MACROD2: variants seen among roughly 807,000 people sequenced by gnomAD.
MACROD2 encodes the protein ADP-ribose glycohydrolase MACROD2.
Under a neutral mutation model 70.4 loss-of-function variants are expected in MACROD2, and 36 were observed. The observed-to-expected ratio is 0.51, with a 90% CI of 0.39 to 0.68. The LOEUF (loss-of-function observed/expected upper bound fraction) is 0.68. MACROD2 is among the 30% of genes least tolerant of loss of function. MACROD2 has a pLI of 0.00. For missense variants in MACROD2, 496 were observed against 538.4 expected (o/e 0.92, Z 0.78); for synonymous variants, 172 against 178.8 (o/e 0.96, Z 0.30).
intron 8 of MACROD2, among the ~76,000 whole-genome samples, chr20:15,672,437 A>G (rs567545026): frequency 5.3e-5 from 8 of 151,818 alleles, no homozygotes; most frequent in African/African-American, 1.7e-4. Flanking sequence ...GTTAAGTGGC[A>G]TGTAGTAGAC....
At chr20:15,337,356 G>C (rs967284453) in intron 6 of MACROD2, among the ~76,000 whole-genome samples, 1 of 151,698 alleles carries the variant, frequency 6.6e-6, no homozygotes, top group Non-Finnish European at 1.5e-5. Flanking sequence ...ATCTAGGAAA[G>C]ACTTCTTGAC....
At chr20:14,537,789 T>A (rs1663078622) in intron 4 of MACROD2, among the ~76,000 whole-genome samples, 1 of 152,218 alleles carries the variant, frequency 6.6e-6, no homozygotes, top group Non-Finnish European at 1.5e-5. Context: ...CAGTGGTTCA[T>A]CCTGCTCATT....
chr20:14,561,695 A>G (rs554449661), intron 4 of MACROD2, among the ~76,000 whole-genome samples: 2 of 152,034 alleles, frequency 1.3e-5, no homozygotes, highest in African/African-American at 4.8e-5. Flanking sequence ...AAGAAACACC[A>G]CAACAATTTA....
chr20:14,405,606 A>C lies in MACROD2; in HGVS notation c.272-87873A>C, dbSNP rs571568837. On this transcript the variant is annotated intron_variant, in intron 3 of 17. Transcript: ENST00000684519. ...CTAGAATGGAGTCGTATCTGCTTAGATTATTTTATGTAAGATTCTTGTCAG... is the reference window on the plus strand; with the variant it reads ...CTAGAATGGAGTCGTATCTGCTTAGCTTATTTTATGTAAGATTCTTGTCAG... Among the ~76,000 whole-genome samples, 39 of 152,286 alleles carry C rather than the reference A, an allele frequency of 2.6e-4. No homozygotes were observed. The South Asian group carries it at 3.1e-3, about 12-fold the overall frequency.
chr20:14,286,626 C>T (rs2082347226), intron 3 of MACROD2, among the ~76,000 whole-genome samples: 1 of 151,946 alleles, frequency 6.6e-6, no homozygotes, highest in South Asian at 2.1e-4. Flanking sequence ...TGTTTTTCTG[C>T]CTCACTCCAT....
intron 8 of MACROD2, among the ~76,000 whole-genome samples, chr20:15,562,119 A>G (rs1249758044): frequency 6.6e-6 from 1 of 152,076 alleles, no homozygotes; most frequent in Non-Finnish European, 1.5e-5. Context: ...AGAATTTAAC[A>G]TTTAAGTCTC....
chr20:15,411,256 G>C (rs910572785), intron 6 of MACROD2, among the ~76,000 whole-genome samples: 1 of 151,858 alleles, frequency 6.6e-6, no homozygotes, highest in Non-Finnish European at 1.5e-5. Context: ...TACCTTTCCT[G>C]TCAAAATAAT....
intron 4 of MACROD2, among the ~76,000 whole-genome samples, chr20:14,655,731 A>G (rs760441644): frequency 2.0e-5 from 3 of 152,144 alleles, no homozygotes; most frequent in Non-Finnish European, 4.4e-5. Flanking sequence ...TTGTTGATAG[A>G]TTAACATAAT....
chr20:14,122,475 A>C (rs2054600133), intron 3 of MACROD2, among the ~76,000 whole-genome samples: 1 of 152,166 alleles, frequency 6.6e-6, no homozygotes, highest in Admixed American at 6.6e-5. Flanking sequence ...CACCCAGCTT[A>C]CTTTCCTCAT....
intron 5 of MACROD2, among the ~76,000 whole-genome samples, chr20:14,744,325 AT>A (rs1419988207): frequency 1.3e-5 from 2 of 152,166 alleles, no homozygotes; most frequent in African/African-American, 4.8e-5. Flanking sequence ...CTTTAAAAAA[AT>A]TTTTTAATTG....
chr20:15,292,543 A>C (rs2077550141), intron 6 of MACROD2, among the ~76,000 whole-genome samples: 2 of 152,186 alleles, frequency 1.3e-5, no homozygotes, highest in Admixed American at 1.3e-4. Flanking sequence ...ATAACAAAGT[A>C]CACTCCTGAT....
At chr20:15,279,070 TCA>T (rs1299772337) in intron 6 of MACROD2, among the ~76,000 whole-genome samples, 1 of 152,202 alleles carries the variant, frequency 6.6e-6, no homozygotes, top group African/African-American at 2.4e-5. Flanking sequence ...AAAAAGAATG[TCA>T]GTTTTTTGCT....
chr20:14,210,638 T>C (rs1013488134), intron 3 of MACROD2, among the ~76,000 whole-genome samples: 1 of 152,226 alleles, frequency 6.6e-6, no homozygotes, highest in Non-Finnish European at 1.5e-5. Flanking sequence ...TTGGTAATCT[T>C]AGTGAGAATA....
intron 8 of MACROD2, among the ~76,000 whole-genome samples, chr20:15,504,648 C>T (rs1425167929): frequency 6.6e-6 from 1 of 152,038 alleles, no homozygotes; most frequent in Non-Finnish European, 1.5e-5. Context: ...CTGAAGATTA[C>T]CCACTGGCAT....
intron 6 of MACROD2, among the ~76,000 whole-genome samples, chr20:15,380,250 C>G (rs1237285926): frequency 6.6e-6 from 1 of 151,986 alleles, no homozygotes; most frequent in African/African-American, 2.4e-5. Flanking sequence ...ATTTTTGTAG[C>G]AGGATGTTAG....
At chr20:14,452,194 T>C (rs1195551733) in intron 3 of MACROD2, among the ~76,000 whole-genome samples, 2 of 152,138 alleles carry the variant, frequency 1.3e-5, no homozygotes, top group East Asian at 1.9e-4. Context: ...TTTTCATTTA[T>C]ATGTTTATTA....
intron 5 of MACROD2, among the ~76,000 whole-genome samples, chr20:15,205,155 T>C (rs1222607165): frequency 3.3e-5 from 5 of 152,128 alleles, no homozygotes; most frequent in Non-Finnish European, 7.4e-5. Flanking sequence ...TACAGGCAAG[T>C]CTCAAAATAT....
chr20:13,997,756 ATGT>A (rs1323040754), intron 1 of MACROD2, among the ~76,000 whole-genome samples: 8 of 152,210 alleles, frequency 5.3e-5, no homozygotes, highest in African/African-American at 1.9e-4. Flanking sequence ...ATGAAGTTTA[ATGT>A]TAAAGGAAAA....
intron 3 of MACROD2, among the ~76,000 whole-genome samples, chr20:14,292,422 A>G (rs1056997349): frequency 6.6e-6 from 1 of 151,926 alleles, no homozygotes; most frequent in African/African-American, 2.4e-5. Flanking sequence ...ACTTTTCTAC[A>G]ACAAAGAATT....
Sources: gnomAD v4.1 joint callset for allele counts (sites outside exome capture counted in the v4.1 genomes callset) on GRCh38, gnomAD v4.1.1 for gene constraint, MANE v1.5 for transcripts, NCBI Gene and HGNC (gene_info 2026-07-23, HGNC 2026-07-21) for gene names.